The following PRKN variants were observed in gnomAD, a reference collection of about 807,000 sequenced individuals.
PRKN encodes the protein parkin RBR E3 ubiquitin protein ligase.
A neutral mutation model predicts 59.5 loss-of-function variants in PRKN; 56 were observed. The observed-to-expected ratio is 0.94, with a 90% CI of 0.76 to 1.18. The LOEUF is 1.18. Ranked by LOEUF, PRKN falls within the 50% of genes most tolerant of loss-of-function variation. PRKN has a pLI of 0.00. For missense variants in PRKN, 657 were observed against 596.4 expected (o/e 1.10, Z -1.06); for synonymous variants, 250 against 222.1 (o/e 1.13, Z -1.12).
intron 1 of PRKN, among the ~76,000 whole-genome samples, chr6:162,484,264 A>G (rs1792441395): frequency 1.3e-5 from 2 of 152,168 alleles, no homozygotes; most frequent in African/African-American, 4.8e-5. Flanking sequence ...GAAGATGAAA[A>G]AGATCATTCT....
In PRKN at chr6:161,915,873, A is replaced by T. The variant is rs547517116; in HGVS notation, c.734+57429T>A. On this transcript the variant is annotated intron_variant, in intron 6 of 11. Coordinates refer to ENST00000366898, the MANE Select transcript of PRKN (RefSeq NM_004562.3). ...GCAAGAGAGAAAGCATGCACACAAG[A>T]GAGGGTCCCCATCAAACTGAACAAT... 2.4e-4 allele frequency among the ~76,000 whole-genome samples: 37 copies of T among 152,348 alleles called. No individual in the cohort carries two copies. In the South Asian group the frequency reaches 7.7e-3, roughly 32 times the overall value.
Position 161,443,696 on chromosome 6 carries a change from AAG to A in PRKN, c.1084-56821_1084-56820del, listed in dbSNP as rs553083374. ...ATAACCATTTAAAAAAAAAGAAAAAAAGAGAAAGAAATCCTCCGCAGTCATTA... is the reference window on the plus strand; with the variant it reads ...ATAACCATTTAAAAAAAAAGAAAAAAAGAAAGAAATCCTCCGCAGTCATTA... On this transcript the variant is annotated intron_variant, in intron 9 of 11. Coordinates refer to ENST00000366898, the MANE Select transcript of PRKN (RefSeq NM_004562.3). Among the ~76,000 whole-genome samples, 41 of 152,296 alleles carry A rather than the reference AAG, an allele frequency of 2.7e-4. No individual in the cohort carries two copies. The East Asian group carries it at 7.3e-3, about 27-fold the overall frequency.
chr6:162,690,705 C>A (rs376931325), intron 1 of PRKN, among the ~76,000 whole-genome samples: 1 of 152,080 alleles, frequency 6.6e-6, no homozygotes, highest in East Asian at 1.9e-4. Context: ...TAACAACATG[C>A]CATTTTCCTC....
At chr6:161,783,448 A>T (rs746929577) in intron 7 of PRKN, among the ~76,000 whole-genome samples, 18 of 152,310 alleles carry the variant, frequency 1.2e-4, no homozygotes, top group Middle Eastern at 3.4e-3. Flanking sequence ...ATTACAAGAA[A>T]GGTCGAGAGC....
chr6:161,581,525 T>A lies in PRKN; in HGVS notation c.872-12109A>T, dbSNP rs537639311. On this transcript the variant is annotated intron_variant, in intron 7 of 11. Transcript: ENST00000366898. This position sits in a 1 kb window ranked among gnomAD's most constrained non-coding sequence, Gnocchi z 4.5. Reference sequence around the variant, plus strand: ...AGATAATGTGCTGAACGGAAGAAGGTCACGGAAGAGGATATGCTGAAGTCT... The same window carrying A: ...AGATAATGTGCTGAACGGAAGAAGGACACGGAAGAGGATATGCTGAAGTCT... 2.1e-4 allele frequency among the ~76,000 whole-genome samples: 32 copies of A among 152,162 alleles called. No homozygotes were observed. The South Asian group carries it at 6.6e-3, about 32-fold the overall frequency.
At chr6:162,439,711 A>T (rs1789961263) in intron 2 of PRKN, among the ~76,000 whole-genome samples, 1 of 152,128 alleles carries the variant, frequency 6.6e-6, no homozygotes, top group Non-Finnish European at 1.5e-5. Context: ...CCTACTCAAC[A>T]TGAAGACAAA....
intron 3 of PRKN, 35 bp from the exon 4 acceptor site, chr6:162,201,287 T>A (rs1452671070): frequency 1.2e-6 from 2 of 1,609,562 alleles, no homozygotes; most frequent in African/African-American, 2.7e-5. Context: ...TGGCTAATAA[T>A]GCTGCATCTA....
At chr6:161,651,608 C>T (rs548957948) in intron 7 of PRKN, among the ~76,000 whole-genome samples, 7 of 152,250 alleles carry the variant, frequency 4.6e-5, no homozygotes, top group Admixed American at 2.0e-4. Context: ...CCTAACCCAC[C>T]GCCCTATCCT....
chr6:162,191,720 G>A (rs181610693), intron 4 of PRKN, among the ~76,000 whole-genome samples: 228 of 152,310 alleles, frequency 1.5e-3, no homozygotes, highest in African/African-American at 5.2e-3. Context: ...TGGGATTACA[G>A]GTGTGAGCCA....
chr6:161,605,289 A>G (rs1782237317), intron 7 of PRKN, among the ~76,000 whole-genome samples: 1 of 152,184 alleles, frequency 6.6e-6, no homozygotes, highest in Non-Finnish European at 1.5e-5. Flanking sequence ...ACATATATAC[A>G]GCTATGTACC....
chr6:162,041,168 G>C (rs1400540702), intron 5 of PRKN, among the ~76,000 whole-genome samples: 4 of 152,136 alleles, frequency 2.6e-5, no homozygotes, highest in African/African-American at 7.2e-5. Context: ...CTAGGTGACA[G>C]AGTGAGACTC....
At position 161,461,822 on chromosome 6, in the gene PRKN, G is replaced by C. The variant is rs759875260; in HGVS notation, c.1084-74945C>G. Among the ~76,000 whole-genome samples, 2 of 152,202 alleles carry C rather than the reference G, an allele frequency of 1.3e-5. No individual in the cohort carries two copies. The highest frequency in any genetic ancestry group is 2.9e-5 in the Non-Finnish European group (2 of 68,046). Reference sequence around the variant, plus strand: ...TGTGAAGTATAATCCAGGAGCTCTAGAGAATGGTCTAGTTAGAGACACAGA... The same window carrying C: ...TGTGAAGTATAATCCAGGAGCTCTACAGAATGGTCTAGTTAGAGACACAGA... On this transcript the variant is annotated intron_variant, in intron 9 of 11. Transcript: ENST00000366898. The surrounding 1 kb of genome is among the most constrained non-coding windows in gnomAD (Gnocchi z 5.1).
rs116742202 is a variant in PRKN at position 161,539,356 on chromosome 6, A to G, written c.1083+9498T>C. On this transcript the variant is annotated intron_variant, in intron 9 of 11. Coordinates refer to ENST00000366898, the MANE Select transcript of PRKN (RefSeq NM_004562.3). ...CATTCAGCTACATGGGTATGACAGG[A>G]GAGTTGCTCCTGACGCATTCCAGGT... Among the ~76,000 whole-genome samples the G allele has an allele frequency of 1.0e-2, 1,443 of 144,652 alleles. 25 individuals carry two copies. The highest frequency in any genetic ancestry group is 0.034 in the African/African-American group (1,380 of 40,388). 94.9% of individuals were successfully genotyped at this position (144,652 alleles called of 152,430 possible). A position where few individuals can be genotyped will look rare whatever the true frequency, so the allele number is the denominator to read the frequency against.
At chr6:162,290,286 A>T (rs989257184) in intron 2 of PRKN, among the ~76,000 whole-genome samples, 1 of 152,152 alleles carries the variant, frequency 6.6e-6, no homozygotes, top group African/African-American at 2.4e-5. Context: ...AATATAAGAT[A>T]TCTGTTGTAC....
intron 7 of PRKN, among the ~76,000 whole-genome samples, chr6:161,690,249 T>C (rs115992062): frequency 0.017 from 2,657 of 152,260 alleles, 73 homozygotes; most frequent in African/African-American, 0.061. Flanking sequence ...AGGGCTGTCC[T>C]GGCAATGGAA....
At chr6:161,631,664 G>A (rs75057137) in intron 7 of PRKN, among the ~76,000 whole-genome samples, 10 of 151,990 alleles carry the variant, frequency 6.6e-5, no homozygotes, top group Non-Finnish European at 1.5e-4. Context: ...AGATAAAAAC[G>A]CTTTTTGAAA....
intron 1 of PRKN, among the ~76,000 whole-genome samples, chr6:162,532,429 C>T (rs1778553026): frequency 6.6e-6 from 1 of 152,198 alleles, no homozygotes. Context: ...TTTATCTTTG[C>T]TTCATCTCTT....
At chr6:161,439,166 G>C (rs753342857) in intron 9 of PRKN, among the ~76,000 whole-genome samples, 4 of 152,194 alleles carry the variant, frequency 2.6e-5, no homozygotes, top group East Asian at 3.9e-4. Flanking sequence ...AAGGTCCTGC[G>C]ATGCCGCAGC....
chr6:161,532,653 C>T (rs541084282), intron 9 of PRKN, among the ~76,000 whole-genome samples: 4 of 152,102 alleles, frequency 2.6e-5, no homozygotes, highest in Non-Finnish European at 4.4e-5. Context: ...AACATCCTTG[C>T]TAAATAGAAA....
Sources: allele counts gnomAD v4.1 joint callset (sites outside exome capture counted in the v4.1 genomes callset), GRCh38; gene constraint gnomAD v4.1.1; non-coding constraint Gnocchi (gnomAD v3.1); transcripts MANE v1.5; gene names NCBI Gene and HGNC (gene_info 2026-07-23, HGNC 2026-07-21).